The following DLGAP2 variants were observed in gnomAD, a reference collection of about 807,000 sequenced individuals.
DLGAP2 encodes the protein disks large-associated protein 2.
Under a neutral mutation model 100.3 loss-of-function variants are expected in DLGAP2, and 26 were observed. That is an observed-to-expected ratio of 0.26 (90% confidence interval 0.19 to 0.36). DLGAP2 has a LOEUF of 0.36. DLGAP2 is among the 10% of genes least tolerant of loss of function. The pLI is 1.00. For missense variants in DLGAP2, 1,858 were observed against 1,453.2 expected, an observed-to-expected ratio of 1.28 and a Z score of -4.53; for synonymous variants, 886 against 630.1, an observed-to-expected ratio of 1.41 and a Z score of -6.08.
intron 2 of DLGAP2, chr8:1,018,671 A>G (rs896664855): frequency 2.0e-5 from 3 of 152,272 alleles, no homozygotes; most frequent in African/African-American, 7.2e-5. Flanking sequence ...TATTTAAACA[A>G]AGTTCATACT....
intron 1 of DLGAP2, among the ~76,000 whole-genome samples, chr8:877,009 T>C (rs1414641449): frequency 6.6e-6 from 1 of 151,888 alleles, no homozygotes; most frequent in Non-Finnish European, 1.5e-5. Context: ...GTTTTTTTTT[T>C]TTTTATTTTT....
At chr8:1,226,733 T>A (rs1295368322) in intron 2 of DLGAP2, among the ~76,000 whole-genome samples, 1 of 152,080 alleles carries the variant, frequency 6.6e-6, no homozygotes, top group Non-Finnish European at 1.5e-5. Flanking sequence ...TGTTGAGCGC[T>A]TTTCACACAA....
intron 1 of DLGAP2, among the ~76,000 whole-genome samples, chr8:755,307 A>C (rs1456282876): frequency 2.6e-5 from 4 of 152,108 alleles, no homozygotes; most frequent in Admixed American, 2.6e-4. Flanking sequence ...AAAAATACTC[A>C]AATTATTAAT....
At chr8:1,170,827 A>G (rs555227705) in intron 2 of DLGAP2, among the ~76,000 whole-genome samples, 10 of 145,436 alleles carry the variant, frequency 6.9e-5, no homozygotes, top group Admixed American at 2.1e-4. Context: ...ATCCTTTCAA[A>G]AAACCAGCTC....
intron 2 of DLGAP2, among the ~76,000 whole-genome samples, chr8:1,207,301 C>G (rs1464073925): frequency 6.6e-6 from 1 of 152,198 alleles, no homozygotes; most frequent in Non-Finnish European, 1.5e-5. Context: ...CATAGCTTAG[C>G]TCCCACTTGT....
intron 3 of DLGAP2, among the ~76,000 whole-genome samples, chr8:1,345,286 A>C (rs1172652046): frequency 1.1e-5 from 1 of 90,170 alleles, no homozygotes; most frequent in Non-Finnish European, 2.6e-5. Context: ...CTTAAGATGG[A>C]GGTTCAGTTC....
At chr8:1,585,677 G>C (rs1191294570) in intron 6 of DLGAP2, among the ~76,000 whole-genome samples, 2 of 152,310 alleles carry the variant, frequency 1.3e-5, no homozygotes, top group Non-Finnish European at 2.9e-5. Flanking sequence ...TGCGTCTCTG[G>C]AAAACCTGGC....
chr8:1,329,378 T>C (rs931243861), intron 3 of DLGAP2, among the ~76,000 whole-genome samples: 6 of 152,252 alleles, frequency 3.9e-5, no homozygotes, highest in Non-Finnish European at 7.3e-5. Context: ...TCCATTTCAA[T>C]GTTTTATTAA....
At chr8:821,887 C>T (rs1385475646) in intron 1 of DLGAP2, among the ~76,000 whole-genome samples, 1 of 152,238 alleles carries the variant, frequency 6.6e-6, no homozygotes, top group African/African-American at 2.4e-5. Flanking sequence ...CACAGCGTGC[C>T]ATTCCACGGT....
At chr8:832,179 T>C (rs963889841) in intron 1 of DLGAP2, among the ~76,000 whole-genome samples, 9 of 152,222 alleles carry the variant, frequency 5.9e-5, no homozygotes, top group African/African-American at 2.2e-4. Context: ...TTCACTCTGT[T>C]GGTAGTTTCT....
chr8:1,613,851 A>G (rs1366489795), intron 6 of DLGAP2, among the ~76,000 whole-genome samples: 2 of 152,232 alleles, frequency 1.3e-5, no homozygotes, highest in Non-Finnish European at 2.9e-5. Context: ...GAAAAATCAT[A>G]GAGAAAGATT....
At chr8:1,254,457 A>G (rs371524706) in intron 2 of DLGAP2, among the ~76,000 whole-genome samples, 120 of 152,112 alleles carry the variant, frequency 7.9e-4, no homozygotes, top group African/African-American at 2.6e-3. Flanking sequence ...ATAAGATGCA[A>G]TGGGCTTCTA....
At chr8:1,698,390 C>G (rs932147166) in intron 14 of DLGAP2, among the ~76,000 whole-genome samples, 4 of 149,698 alleles carry the variant, frequency 2.7e-5, no homozygotes, top group African/African-American at 9.9e-5. Flanking sequence ...CCACGTAAGC[C>G]ATGCGTGGGA....
intron 6 of DLGAP2, among the ~76,000 whole-genome samples, chr8:1,575,412 T>A (rs1031353608): frequency 6.6e-6 from 1 of 151,242 alleles, no homozygotes; most frequent in Admixed American, 6.6e-5. Context: ...AATGGAGAGT[T>A]GAGGGTCAAA....
intron 3 of DLGAP2, among the ~76,000 whole-genome samples, chr8:1,291,815 C>T (rs561583160): frequency 6.6e-6 from 1 of 152,140 alleles, no homozygotes; most frequent in African/African-American, 2.4e-5. Context: ...TCTCACTGCC[C>T]TCCAGCCACA....
intron 12 of DLGAP2, among the ~76,000 whole-genome samples, chr8:1,684,738 A>AATTT (rs1799068302): frequency 6.6e-6 from 1 of 151,970 alleles, no homozygotes; most frequent in South Asian, 2.1e-4. Flanking sequence ...TTTTTGTATT[A>AATTT]TGTCAAACCA....
chr8:1,169,200 G>A (rs569900160), intron 2 of DLGAP2, among the ~76,000 whole-genome samples: 28 of 151,966 alleles, frequency 1.8e-4, no homozygotes, highest in East Asian at 3.9e-4. Flanking sequence ...GTAGATATGC[G>A]GCGTTATTTC....
chr8:1,152,461 T>G (rs753324198), intron 2 of DLGAP2, among the ~76,000 whole-genome samples: 1 of 152,208 alleles, frequency 6.6e-6, no homozygotes, highest in South Asian at 2.1e-4. Context: ...ACTGGAAGAC[T>G]CTTCCTTCCT....
intron 4 of DLGAP2, among the ~76,000 whole-genome samples, chr8:1,537,759 AAGGAAGG>A (rs1035505886): frequency 6.6e-6 from 1 of 151,774 alleles, no homozygotes; most frequent in Non-Finnish European, 1.5e-5. Context: ...GGAAGGAAGG[AAGGAAGG>A]AAGGAAGGAA....
Sources: allele counts gnomAD v4.1 joint callset (sites outside exome capture counted in the v4.1 genomes callset), GRCh38; gene constraint gnomAD v4.1.1; transcripts MANE v1.5; gene names NCBI Gene and HGNC (gene_info 2026-07-23, HGNC 2026-07-21).